CHRNE: variants seen among roughly 807,000 people sequenced by gnomAD.
CHRNE encodes the protein cholinergic receptor nicotinic epsilon subunit.
CHRNE carries 58 observed loss-of-function variants against 56.5 expected under a neutral mutation model. The ratio of observed to expected loss-of-function variants is 1.03; its 90% confidence interval spans 0.83 to 1.28. The LOEUF (loss-of-function observed/expected upper bound fraction) is 1.28. CHRNE is among the 50% of genes most tolerant of loss of function. CHRNE has a pLI of 0.00. For synonymous variants in CHRNE, 385 were observed against 297.9 expected (o/e 1.29, Z -3.01); for missense variants, 793 against 688.9 (o/e 1.15, Z -1.69).
Position 4,902,268 on chromosome 17 carries a change from A to G in CHRNE, c.293T>C (p.Leu98Pro), listed in dbSNP as rs28929768. The G allele has an allele frequency of 6.2e-6, 10 of 1,614,060 alleles. No homozygotes were observed. The South Asian group carries it at 1.1e-4, about 18-fold the overall frequency. Residue 98 changes from leucine to proline, a missense_variant, in exon 4 of 12, where the codon CTG (leucine) becomes CCG (proline). Coordinates refer to ENST00000649488, the MANE Select transcript of CHRNE (RefSeq NM_000080.4). The surrounding 1 kb of genome is among the most constrained non-coding windows in gnomAD (Gnocchi z 4.0). ...CCACACGAGTTCTGAAGGGACTCGC[A>G]GGGTTTCTATACCCCCAAAGTCGTC... ...SKDDFGGIET[L>P]RVPSELVWLP...
intron 8 of CHRNE, 38 bp downstream of exon 8, chr17:4,900,755 T>C: frequency 6.3e-7 from 1 of 1,589,208 alleles, no homozygotes; most frequent in Non-Finnish European, 8.6e-7. Context: ...CCCCCACCCT[T>C]CACACTGGCC....
At position 4,899,476 on chromosome 17, in the gene CHRNE, G is replaced by A. The variant is rs778130828; in HGVS notation, c.1024C>T (p.Leu342=). Residue 342 remains leucine (L), a synonymous_variant, in exon 9 of 12, where the codon CTG becomes TTG. Coordinates refer to ENST00000649488, the MANE Select transcript of CHRNE (RefSeq NM_000080.4). ...GCCCCCTCCGCGCTTACGTGGCGCA[G>A]CCGCGGGGACATGGCGTGGGTGGTG... ...TPTTHAMSPR[L]RHVLLELLPR... is the part of the protein sequence containing the mutation. 8 of 1,594,036 alleles carry A rather than the reference G, an allele frequency of 5.0e-6. No individual in the cohort carries two copies. The South Asian group carries it at 8.0e-5, about 16-fold the overall frequency.
chr17:4,898,319 C>G lies in CHRNE; in HGVS notation c.*417G>C, dbSNP rs1033555987. The G allele has an allele frequency of 2.7e-5, 8 of 297,582 alleles. No homozygotes were observed. Among genetic ancestry groups the G allele is most frequent in the African/African-American group, 1.7e-4 (8 of 45,780 alleles). 18.4% of individuals were successfully genotyped at this position (297,582 alleles called of 1,614,324 possible). The stretch of plus-strand genomic sequence containing the variant: ...TCCCACCCGCTCCAGCAGAGCCAGA[C>G]CAGGGAAGAAGAGGGTTTCCTGGCT... On this transcript the variant is annotated 3_prime_UTR_variant, in exon 12 of 12. Coordinates refer to ENST00000649488, the MANE Select transcript of CHRNE (RefSeq NM_000080.4).
Position 4,898,411 on chromosome 17 carries a change from A to G in CHRNE, c.*325T>C, listed in dbSNP as rs1444377243. The G allele has an allele frequency of 2.3e-6, 1 of 430,066 alleles. No homozygotes were observed. The highest frequency in any genetic ancestry group is 2.0e-5 in the African/African-American group (1 of 49,654). The allele number at this position is 430,066 out of a possible 1,614,324, so 26.6% of individuals were successfully genotyped here. The stretch of plus-strand genomic sequence containing the variant: ...TTGGCTATGAAATGAATATAGATAG[A>G]TAGCTCACAAGCTGGCAGCCACCAG... On this transcript the variant is annotated 3_prime_UTR_variant, in exon 12 of 12. Coordinates refer to ENST00000649488, the MANE Select transcript of CHRNE (RefSeq NM_000080.4).
Position 4,898,662 on chromosome 17 carries a change from C to CGTG in CHRNE, c.*71_*73dup. 6.5e-7 allele frequency: 1 copy of CGTG among 1,534,506 alleles called. No homozygotes were observed. Among genetic ancestry groups the CGTG allele is most frequent in the Non-Finnish European group, 8.8e-7 (1 of 1,133,248 alleles). ...CAGCAGGGGGAAGGGATCATAATGC[C>CGTG]GTGGTGGCGGCAGCCTACTTTTTCA... On this transcript the variant is annotated 3_prime_UTR_variant, in exon 12 of 12. Transcript: ENST00000649488.
chr17:4,901,254 C>T, intron 6 of CHRNE, 64 bp from the exon 7 acceptor site: 1 of 1,562,662 alleles, frequency 6.4e-7, no homozygotes, highest in East Asian at 2.2e-5. Context: ...TGACAGCGGG[C>T]TGAAGAGGAG....
intron 8 of CHRNE, chr17:4,900,506 G>A (rs1286932595): frequency 1.3e-5 from 20 of 1,550,794 alleles, no homozygotes; most frequent in Admixed American, 2.0e-5. Flanking sequence ...CCGGAGAACC[G>A]GTGAGCTCAG....
At chr17:4,899,891 C>T (rs1319873073) in intron 8 of CHRNE, 2 of 1,548,090 alleles carry the variant, frequency 1.3e-6, no homozygotes, top group African/African-American at 2.7e-5. Context: ...CTGTTCGCCC[C>T]TGTGACCCCT....
Position 4,899,392 on chromosome 17 carries a change from A to AGGGGC in CHRNE, c.1033-13_1033-9dup, listed in dbSNP as rs1555546374. ...CAGCAGCTCCAGGAGAACCTGGGGC[A>AGGGGC]GGGGCGGGGCTTAGGGGACGAGGTT... On this transcript the variant is annotated splice_polypyrimidine_tract_variant and intron_variant, in intron 9 of 11. Coordinates refer to ENST00000649488, the MANE Select transcript of CHRNE (RefSeq NM_000080.4). 3.3e-5 allele frequency: 50 copies of AGGGGC among 1,534,686 alleles called. 1 individual carries two copies. In the South Asian group the frequency reaches 5.9e-4, roughly 18 times the overall value.
upstream of CHRNE, among the ~76,000 whole-genome samples, chr17:4,903,807 C>T (rs1293840057): frequency 6.6e-6 from 1 of 152,178 alleles, no homozygotes; most frequent in Non-Finnish European, 1.5e-5. Context: ...CACACGTGCA[C>T]ACATACACAC....
At chr17:4,906,714 C>T (rs1970096611), upstream of CHRNE, among the ~76,000 whole-genome samples, 1 of 151,682 alleles carries the variant, frequency 6.6e-6, no homozygotes, top group Non-Finnish European at 1.5e-5. Context: ...TTTTAAAAAA[C>T]AGATGAATGG....
In CHRNE at chr17:4,902,642, G is replaced by A. The variant is rs1162054192; in HGVS notation, c.168C>T (p.Thr56=). ...TTACCAGTGAGATGAGATTCGTCAG[G>A]GTGACCTTGAGGCTGATGGTGACAG... ...EDTVTISLKV[T]LTNLISLNEK... is the part of the protein sequence containing the mutation. Residue 56 remains threonine (T), a synonymous_variant, in exon 2 of 12, where the codon ACC becomes ACT. Coordinates refer to ENST00000649488, the MANE Select transcript of CHRNE (RefSeq NM_000080.4). This position sits in a 1 kb window ranked among gnomAD's most constrained non-coding sequence, Gnocchi z 4.0. 2 of 1,614,014 alleles carry A rather than the reference G, an allele frequency of 1.2e-6. No individual in the cohort carries two copies. The highest frequency in any genetic ancestry group is 1.3e-5 in the African/African-American group (1 of 74,980).
At position 4,901,495 on chromosome 17, in the gene CHRNE, C is replaced by A. The variant is rs201392899; in HGVS notation, c.601+30G>T. The A allele has an allele frequency of 6.3e-5, 101 of 1,601,654 alleles. No individual in the cohort carries two copies. The East Asian group carries it at 2.0e-3, about 32-fold the overall frequency. On this transcript the variant is annotated intron_variant, in intron 6 of 11. Coordinates refer to ENST00000649488, the MANE Select transcript of CHRNE (RefSeq NM_000080.4). The stretch of plus-strand genomic sequence containing the variant: ...CCCCTCTCTGGACCCCGTCTAGAAG[C>A]GGGTTTTTCTGAGCAGGCAGGGGCT...
chr17:4,907,566 CAAAAAA>C (rs34317332), upstream of CHRNE, among the ~76,000 whole-genome samples: 6 of 61,066 alleles, frequency 9.8e-5, no homozygotes, highest in African/African-American at 4.1e-4. Context: ...GACTCAGTCT[CAAAAAA>C]AAAAAAAAAA....
chr17:4,902,349 C>T lies in CHRNE; in HGVS notation c.235-23G>A. 2 of 1,613,804 alleles carry T rather than the reference C, an allele frequency of 1.2e-6. No homozygotes were observed. Among genetic ancestry groups the T allele is most frequent in the African/African-American group, 1.3e-5 (1 of 75,022 alleles). ...ATCCTAAGGGGTGGGGGATGGAAGG[C>T]CGCGTGCCCTGCATCTCCCACCTGG... On this transcript the variant is annotated intron_variant, in intron 3 of 11. Transcript: ENST00000649488. The surrounding 1 kb of genome is among the most constrained non-coding windows in gnomAD (Gnocchi z 4.0).
chr17:4,901,946 A>C lies in CHRNE; in HGVS notation c.486T>G (p.Cys162Trp). ...GCTCTTCCCACCGGAAAATAAGCGA[A>C]CAGTTCTGCCAATCGAAGGGGAAGT... ...VTYFPFDWQN[C>W]SLIFRSQTYN... The change falls in exon 5 of 12, where the codon TGT becomes TGG. Residue 162 changes from cysteine to tryptophan, a missense_variant. By Grantham distance (215) the Cys-to-Trp change is radical. Coordinates refer to ENST00000649488, the MANE Select transcript of CHRNE (RefSeq NM_000080.4). The C allele has an allele frequency of 6.3e-7, 1 of 1,593,442 alleles. No individual in the cohort carries two copies. The highest frequency in any genetic ancestry group is 8.6e-7 in the Non-Finnish European group (1 of 1,167,514).
Position 4,901,050 on chromosome 17 carries a change from T to C in CHRNE, c.742A>G (p.Ile248Val). Residue 248 changes from isoleucine (I) to valine (V), a missense_variant, in exon 7 of 12, where the codon ATC becomes GTC. Transcript: ENST00000649488. ...RKPLFYVINI[I>V]VPCVLISGLV... ...CCCGAGATGAGCACACAGGGCACGA[T>C]GATGTTAATGACGTAGAAGAGCGGC... 1 of 1,613,754 alleles carries C rather than the reference T, an allele frequency of 6.2e-7. No individual in the cohort carries two copies. Among genetic ancestry groups the C allele is most frequent in the Non-Finnish European group, 8.5e-7 (1 of 1,179,918 alleles).
intron 5 of CHRNE, 70 bp from the exon 6 acceptor site, chr17:4,901,695 G>C (rs1597620567): frequency 6.8e-7 from 1 of 1,480,954 alleles, no homozygotes; most frequent in East Asian, 2.3e-5. Context: ...CCCAGCCCTG[G>C]AAGCTGGGAT....
upstream of CHRNE, among the ~76,000 whole-genome samples, chr17:4,904,183 T>A (rs561589928): frequency 6.6e-6 from 1 of 151,710 alleles, no homozygotes; most frequent in African/African-American, 2.4e-5. Context: ...TTCTGTTTCT[T>A]TTTTTGTTTT....
Sources: gnomAD v4.1 joint callset for allele counts (sites outside exome capture counted in the v4.1 genomes callset) on GRCh38, gnomAD v4.1.1 for gene constraint, Gnocchi (gnomAD v3.1) non-coding constraint, MANE v1.5 for transcripts, NCBI Gene and HGNC (gene_info 2026-07-23, HGNC 2026-07-21) for gene names.